The following EDIL3 variants were observed in gnomAD, a reference collection of about 807,000 sequenced individuals.
EDIL3 encodes the protein EGF-like repeat and discoidin I-like domain-containing protein 3.
In EDIL3, 37 loss-of-function variants were observed where a neutral mutation model predicts 67.4. That is an observed-to-expected ratio of 0.55 (90% CI 0.42 to 0.72). The LOEUF (loss-of-function observed/expected upper bound fraction) is 0.72. EDIL3 is among the 30% of genes least tolerant of loss of function. The pLI is 0.00. For synonymous variants in EDIL3, 195 were observed against 196.3 expected (o/e 0.99, Z 0.05); for missense variants, 527 against 586.3 (o/e 0.90, Z 1.04).
At chr5:83,957,284 A>G (rs2112123495) in intron 10 of EDIL3, among the ~76,000 whole-genome samples, 1 of 151,674 alleles carries the variant, frequency 6.6e-6, no homozygotes, top group South Asian at 2.1e-4. Flanking sequence ...TCCCCCTGCT[A>G]TCATCTTCCT....
intron 1 of EDIL3, among the ~76,000 whole-genome samples, chr5:84,269,574 C>T (rs1483877331): frequency 6.6e-6 from 1 of 152,090 alleles, no homozygotes; most frequent in Non-Finnish European, 1.5e-5. Context: ...CATATGATTT[C>T]TGTTTCTCCA....
chr5:84,213,125 G>A (rs1278779932), intron 3 of EDIL3, among the ~76,000 whole-genome samples: 1 of 151,328 alleles, frequency 6.6e-6, no homozygotes, highest in African/African-American at 2.4e-5. Flanking sequence ...GAGCATTCTG[G>A]CTACAGAATA....
intron 10 of EDIL3, 91 bp from the exon 11 acceptor site, chr5:83,943,659 A>G: frequency 7.0e-7 from 1 of 1,433,402 alleles, no homozygotes; most frequent in Middle Eastern, 2.4e-4. Context: ...TTCCCCAAAC[A>G]TGATATTTGA....
At chr5:84,231,661 T>C (rs549979357) in intron 2 of EDIL3, among the ~76,000 whole-genome samples, 1 of 152,090 alleles carries the variant, frequency 6.6e-6, no homozygotes, top group African/African-American at 2.4e-5. Flanking sequence ...CCTTGGCACA[T>C]AAAGAAATGG....
chr5:84,371,680 G>C (rs907880727), intron 1 of EDIL3, among the ~76,000 whole-genome samples: 6 of 151,236 alleles, frequency 4.0e-5, no homozygotes, highest in African/African-American at 1.2e-4. Context: ...ATATCTGAGG[G>C]GAAAGCATAT....
chr5:84,255,944 T>G (rs1233261568), intron 1 of EDIL3, among the ~76,000 whole-genome samples: 1 of 152,162 alleles, frequency 6.6e-6, no homozygotes, highest in Non-Finnish European at 1.5e-5. Flanking sequence ...CCATTGTAAT[T>G]TTTAAGATAA....
rs142406796 is a variant in EDIL3 at position 84,018,999 on chromosome 5, G to C, written c.1137+41301C>G. 6.8e-3 allele frequency among the ~76,000 whole-genome samples: 1,030 copies of C among 152,228 alleles called. 16 individuals carry two copies. The highest frequency in any genetic ancestry group is 0.024 in the African/African-American group (994 of 41,538). ...GAAGTCGGTGTGGCAATTCCTTAGG[G>C]ATCTAGAACTAGAAATACCATTTGA... On this transcript the variant is annotated intron_variant, in intron 9 of 10. Coordinates refer to ENST00000296591, the MANE Select transcript of EDIL3 (RefSeq NM_005711.5).
chr5:84,065,824 T>A (rs1746629368), intron 7 of EDIL3, among the ~76,000 whole-genome samples: 1 of 151,818 alleles, frequency 6.6e-6, no homozygotes, highest in African/African-American at 2.4e-5. Context: ...CATTAAGGAG[T>A]GCGTTAATCA....
chr5:84,054,946 T>C (rs1746415769), intron 9 of EDIL3, among the ~76,000 whole-genome samples: 1 of 145,844 alleles, frequency 6.9e-6, no homozygotes, highest in Non-Finnish European at 1.5e-5. Flanking sequence ...CTTCACAGAA[T>C]TGGAAAAAAC....
chr5:83,973,465 A>T (rs12109452), intron 9 of EDIL3, among the ~76,000 whole-genome samples: 16,496 of 152,076 alleles, frequency 0.11, 1,552 homozygotes, highest in African/African-American at 0.26. Flanking sequence ...AGAGTTTGTT[A>T]TTTAGTATTT....
intron 1 of EDIL3, among the ~76,000 whole-genome samples, chr5:84,379,264 T>C (rs1748030014): frequency 6.6e-6 from 1 of 152,178 alleles, no homozygotes. Context: ...CAAAATAAAT[T>C]AGTTCAAGTC....
At chr5:84,131,449 G>A (rs1747964989) in intron 5 of EDIL3, among the ~76,000 whole-genome samples, 1 of 152,164 alleles carries the variant, frequency 6.6e-6, no homozygotes, top group African/African-American at 2.4e-5. Flanking sequence ...TTAATATGTA[G>A]AGTATAATAA....
chr5:84,286,390 A>G (rs1745807830), intron 1 of EDIL3, among the ~76,000 whole-genome samples: 1 of 152,160 alleles, frequency 6.6e-6, no homozygotes, highest in Admixed American at 6.6e-5. Context: ...AAATGAAATA[A>G]ATAAAATACT....
chr5:84,363,221 G>A (rs1747651093), intron 1 of EDIL3, among the ~76,000 whole-genome samples: 1 of 151,934 alleles, frequency 6.6e-6, no homozygotes, highest in Non-Finnish European at 1.5e-5. Context: ...TGCTAATTCA[G>A]GCTGAGGCAG....
Position 84,180,422 on chromosome 5 carries a change from CG to C in EDIL3, c.325del (p.Arg109GlufsTer12). Reference sequence around the variant, plus strand: ...CTGACAGTGAATCCCATTAAATCCTCGGGGACATTTACAAACATAGCCTATG... The same window carrying C: ...CTGACAGTGAATCCCATTAAATCCTCGGGACATTTACAAACATAGCCTATG... ...TFIGYVCKCP[R>X]GFNGIHCQHN... is the part of the protein sequence containing the mutation. On this transcript the variant is annotated frameshift_variant, in exon 4 of 11. Transcript: ENST00000296591. LOFTEE classifies it high-confidence loss of function. 1.2e-6 allele frequency: 2 copies of C among 1,604,074 alleles called. No individual in the cohort carries two copies. Among genetic ancestry groups the C allele is most frequent in the Non-Finnish European group, 1.7e-6 (2 of 1,175,874 alleles).
chr5:84,221,536 C>T (rs1294548699), intron 3 of EDIL3, among the ~76,000 whole-genome samples: 4 of 148,212 alleles, frequency 2.7e-5, no homozygotes, highest in African/African-American at 1.0e-4. Flanking sequence ...CACTATCACA[C>T]ACCTATCAAA....
intron 1 of EDIL3, among the ~76,000 whole-genome samples, chr5:84,270,072 T>C (rs1239698388): frequency 6.6e-6 from 1 of 152,240 alleles, no homozygotes; most frequent in African/African-American, 2.4e-5. Context: ...TAGTTATCTC[T>C]AGATAGTGAG....
intron 1 of EDIL3, among the ~76,000 whole-genome samples, chr5:84,309,960 AGT>A (rs1173571578): frequency 6.6e-6 from 1 of 152,206 alleles, no homozygotes; most frequent in African/African-American, 2.4e-5. Flanking sequence ...TCCCACCAAC[AGT>A]GTGAAAGTGT....
chr5:84,187,049 G>C (rs1743475439), intron 3 of EDIL3, among the ~76,000 whole-genome samples: 1 of 151,992 alleles, frequency 6.6e-6, no homozygotes. Context: ...AGCATAAATG[G>C]ACTTTCAAGA....
Sources: allele counts gnomAD v4.1 joint callset (sites outside exome capture counted in the v4.1 genomes callset), GRCh38; gene constraint gnomAD v4.1.1; transcripts MANE v1.5; gene names NCBI Gene and HGNC (gene_info 2026-07-23, HGNC 2026-07-21).